Variants in RELN observed in about 807,000 individuals in gnomAD.
RELN encodes the protein reelin.
A neutral mutation model predicts 427.6 loss-of-function variants in RELN; 108 were observed. The ratio of observed to expected loss-of-function variants is 0.25; its 90% CI spans 0.22 to 0.30. The LOEUF (loss-of-function observed/expected upper bound fraction) is 0.30. Ranked by LOEUF, RELN falls within the 10% of genes least tolerant of loss-of-function variation. The pLI, the probability that RELN is intolerant of heterozygous loss-of-function variation, is 1.00. For missense variants in RELN, 3,715 were observed against 4,302.8 expected, an observed-to-expected ratio of 0.86 and a Z score of 3.82; for synonymous variants, 1,524 against 1,513.4, an observed-to-expected ratio of 1.01 and a Z score of -0.16.
chr7:103,843,719 A>T (rs1793610326), intron 2 of RELN, among the ~76,000 whole-genome samples: 1 of 152,186 alleles, frequency 6.6e-6, no homozygotes, highest in South Asian at 2.1e-4. Flanking sequence ...GACATTTCTA[A>T]GTCAAATGCT....
At chr7:103,642,441 G>A (rs1157022824) in intron 16 of RELN, among the ~76,000 whole-genome samples, 1 of 149,016 alleles carries the variant, frequency 6.7e-6, no homozygotes, top group Admixed American at 6.7e-5. Context: ...GCCAAAGAGT[G>A]GGTCCTGTTT....
At chr7:103,663,826 C>G (rs954729441) in intron 11 of RELN, among the ~76,000 whole-genome samples, 1 of 152,186 alleles carries the variant, frequency 6.6e-6, no homozygotes, top group Non-Finnish European at 1.5e-5. Context: ...ACTTTAAATG[C>G]CCAAAATATT....
At chr7:103,611,541 T>TTG in intron 21 of RELN, 70 bp downstream of exon 21, 1 of 1,223,080 alleles carries the variant, frequency 8.2e-7, no homozygotes, top group East Asian at 2.5e-5. Flanking sequence ...CTGTAATTTT[T>TTG]TTTTTTTTTG....
chr7:103,475,488 A>G (rs899460242), intron 64 of RELN, among the ~76,000 whole-genome samples: 10 of 152,354 alleles, frequency 6.6e-5, no homozygotes, highest in African/African-American at 2.4e-4. Flanking sequence ...AGTTAAAGCA[A>G]TGAAAATTAT....
In RELN at chr7:103,575,737, T is replaced by C. The variant is rs771300687; in HGVS notation, c.4146-32A>G. 6 of 1,612,094 alleles carry C rather than the reference T, an allele frequency of 3.7e-6. No individual in the cohort carries two copies. The African/African-American group carries it at 6.7e-5, about 18-fold the overall frequency. ...GGAAAAACAACACACCTGTTTCTTG[T>C]ACCAACATCTCATATCAAAGCATTG... On this transcript the variant is annotated intron_variant, in intron 28 of 64. Coordinates refer to ENST00000428762, the MANE Select transcript of RELN (RefSeq NM_005045.4).
chr7:103,911,010 A>T (rs1326122661), intron 2 of RELN, among the ~76,000 whole-genome samples: 2 of 140,396 alleles, frequency 1.4e-5, no homozygotes, highest in Admixed American at 7.2e-5. Context: ...AATGGGATCT[A>T]ATTAAACTAA....
intron 16 of RELN, among the ~76,000 whole-genome samples, chr7:103,649,747 G>T (rs544134146): frequency 2.4e-3 from 324 of 135,904 alleles, no homozygotes; most frequent in Non-Finnish European, 3.6e-3. Context: ...AAAGATAAAA[G>T]ATTTAAAAAG....
intron 1 of RELN, among the ~76,000 whole-genome samples, chr7:103,980,080 G>C (rs10248650): frequency 0.031 from 4,749 of 151,182 alleles, 271 homozygotes; most frequent in African/African-American, 0.11. Flanking sequence ...AGACTTGCTT[G>C]AATCAGGAGG....
At chr7:103,557,537 C>A (rs2117169257) in intron 37 of RELN, among the ~76,000 whole-genome samples, 1 of 152,278 alleles carries the variant, frequency 6.6e-6, no homozygotes, top group African/African-American at 2.4e-5. Flanking sequence ...ATTATATCTA[C>A]AATCAATTTG....
intron 2 of RELN, among the ~76,000 whole-genome samples, chr7:103,892,212 G>A (rs1008585288): frequency 1.3e-5 from 2 of 152,058 alleles, no homozygotes; most frequent in African/African-American, 2.4e-5. Context: ...GGTGACCTTC[G>A]AAGCCTTATG....
chr7:103,744,825 C>G (rs1414898977), intron 6 of RELN, among the ~76,000 whole-genome samples: 1 of 152,204 alleles, frequency 6.6e-6, no homozygotes, highest in Non-Finnish European at 1.5e-5. Context: ...CAGCCAAATT[C>G]TGCCAGAGGT....
At chr7:103,896,331 T>C (rs1216228611) in intron 2 of RELN, among the ~76,000 whole-genome samples, 1 of 151,848 alleles carries the variant, frequency 6.6e-6, no homozygotes, top group Non-Finnish European at 1.5e-5. Flanking sequence ...AAAGTGAAAA[T>C]ACATATTCAC....
intron 1 of RELN, among the ~76,000 whole-genome samples, chr7:103,983,577 T>G (rs62487059): frequency 6.6e-6 from 1 of 152,340 alleles, no homozygotes; most frequent in South Asian, 2.1e-4. Flanking sequence ...TGCTTAAAGT[T>G]GATGAGACTG....
At chr7:103,521,349 G>C (rs545578247) in intron 48 of RELN, among the ~76,000 whole-genome samples, 6 of 152,292 alleles carry the variant, frequency 3.9e-5, no homozygotes, top group Admixed American at 2.0e-4. Context: ...TTTAAACAGA[G>C]TCGCCTTTGG....
At chr7:103,941,939 T>C (rs1244592541) in intron 1 of RELN, among the ~76,000 whole-genome samples, 1 of 151,248 alleles carries the variant, frequency 6.6e-6, no homozygotes, top group Non-Finnish European at 1.5e-5. Flanking sequence ...CAAAATACTA[T>C]ATTATCATTA....
intron 6 of RELN, among the ~76,000 whole-genome samples, chr7:103,735,311 G>A (rs1175814129): frequency 6.6e-6 from 1 of 151,818 alleles, no homozygotes; most frequent in Non-Finnish European, 1.5e-5. Context: ...TACATATGAT[G>A]GTACCTTTGA....
chr7:103,827,893 TAGGTACAATCATTTCAGACTTA>T (rs1793181804), intron 3 of RELN, among the ~76,000 whole-genome samples: 1 of 152,038 alleles, frequency 6.6e-6, no homozygotes, highest in Non-Finnish European at 1.5e-5. Context: ...TCTCAGAGCA[TAGGTACAATCATTTCAGACTTA>T]AATGGGAGGT....
At chr7:103,846,699 A>G (rs1057317829) in intron 2 of RELN, among the ~76,000 whole-genome samples, 5 of 152,266 alleles carry the variant, frequency 3.3e-5, no homozygotes, top group African/African-American at 1.2e-4. Flanking sequence ...GCTAATATCC[A>G]GAATCTACAA....
chr7:103,722,346 C>T (rs913532585), intron 8 of RELN, among the ~76,000 whole-genome samples: 9 of 152,152 alleles, frequency 5.9e-5, no homozygotes, highest in South Asian at 4.2e-4. Context: ...GATATGGAAG[C>T]GACTGGAGGA....
Sources: gnomAD v4.1 joint callset for allele counts (sites outside exome capture counted in the v4.1 genomes callset) on GRCh38, gnomAD v4.1.1 for gene constraint, MANE v1.5 for transcripts, NCBI Gene and HGNC (gene_info 2026-07-23, HGNC 2026-07-21) for gene names.